ADAMTS17: variants seen among roughly 807,000 people sequenced by gnomAD.
ADAMTS17 encodes the protein ADAM metallopeptidase with thrombospondin type 1 motif 17, also known as A disintegrin and metalloproteinase with thrombospondin motifs 17.
Under a neutral mutation model 141.5 loss-of-function variants are expected in ADAMTS17, and 113 were observed. That is an observed-to-expected ratio of 0.80 (90% confidence interval 0.69 to 0.93). ADAMTS17 has a LOEUF of 0.93. ADAMTS17 is among the 40% of genes least tolerant of loss of function. The pLI is 0.00. For synonymous variants in ADAMTS17, 768 were observed against 630.6 expected, an observed-to-expected ratio of 1.22 and a Z score of -3.27; for missense variants, 1,659 against 1,517.9, an observed-to-expected ratio of 1.09 and a Z score of -1.54.
intron 3 of ADAMTS17, among the ~76,000 whole-genome samples, chr15:100,292,533 C>T (rs1293941292): frequency 6.6e-6 from 1 of 151,852 alleles, no homozygotes; most frequent in African/African-American, 2.4e-5. Context: ...AGACACTCAC[C>T]CCGTGAGAAA....
intron 7 of ADAMTS17, among the ~76,000 whole-genome samples, chr15:100,248,481 G>A (rs1374415188): frequency 1.3e-5 from 2 of 152,158 alleles, no homozygotes; most frequent in Non-Finnish European, 1.5e-5. Context: ...CCTCTGCCAA[G>A]TCCCCATCTT....
intron 7 of ADAMTS17, among the ~76,000 whole-genome samples, chr15:100,238,517 G>A (rs1400503713): frequency 3.3e-5 from 5 of 152,192 alleles, no homozygotes; most frequent in African/African-American, 7.2e-5. Flanking sequence ...ACAAAGATCC[G>A]TCCTGAACAC....
At chr15:100,323,317 G>A (rs945670339) in intron 3 of ADAMTS17, among the ~76,000 whole-genome samples, 9 of 152,058 alleles carry the variant, frequency 5.9e-5, no homozygotes, top group African/African-American at 1.7e-4. Flanking sequence ...AATAACCCAA[G>A]GTCACTCAAG....
chr15:100,149,621 C>G (rs1262582029), intron 10 of ADAMTS17, among the ~76,000 whole-genome samples: 1 of 152,130 alleles, frequency 6.6e-6, no homozygotes, highest in Non-Finnish European at 1.5e-5. Context: ...CCCTTTCTCT[C>G]TTTGAAATAG....
chr15:100,221,513 G>C (rs1230871589), intron 7 of ADAMTS17, among the ~76,000 whole-genome samples: 1 of 152,114 alleles, frequency 6.6e-6, no homozygotes, highest in Non-Finnish European at 1.5e-5. Context: ...TTGTTCTTTT[G>C]GAGTAACAAA....
chr15:100,332,066 C>A lies in ADAMTS17; in HGVS notation c.451-1012G>T, dbSNP rs77053688. Among the ~76,000 whole-genome samples, 60 of 152,260 alleles carry A rather than the reference C, an allele frequency of 3.9e-4. 2 individuals are homozygous for A. The East Asian group carries it at 9.7e-3, about 25-fold the overall frequency. On this transcript the variant is annotated intron_variant, in intron 2 of 21. Transcript: ENST00000268070. ...ACTAATAAGATCGCCTACAATCTTGCGTCCCCAAGATACAGGGTGAGGCCA... is the reference window on the plus strand; with the variant it reads ...ACTAATAAGATCGCCTACAATCTTGAGTCCCCAAGATACAGGGTGAGGCCA...
At chr15:100,014,698 G>C (rs1159025739) in intron 18 of ADAMTS17, among the ~76,000 whole-genome samples, 1 of 152,106 alleles carries the variant, frequency 6.6e-6, no homozygotes. Flanking sequence ...TTGATTTCCA[G>C]TTTTATTCTA....
chr15:100,306,657 A>C (rs1283146021), intron 3 of ADAMTS17: 1 of 444,858 alleles, frequency 2.2e-6, no homozygotes, highest in East Asian at 7.0e-5. Flanking sequence ...GGCAATTTCA[A>C]ACGACTCAGC....
chr15:100,004,607 T>C (rs1413562679), intron 18 of ADAMTS17, among the ~76,000 whole-genome samples: 1 of 149,352 alleles, frequency 6.7e-6, no homozygotes, highest in African/African-American at 2.5e-5. Flanking sequence ...AAAAGCATGA[T>C]ACTGTAATTC....
chr15:100,154,521 G>A (rs993056335), intron 9 of ADAMTS17, among the ~76,000 whole-genome samples: 4 of 152,098 alleles, frequency 2.6e-5, no homozygotes, highest in East Asian at 1.9e-4. Context: ...GAATTCACAC[G>A]GCTAAGTAGC....
rs2045743572 is a variant in ADAMTS17, at chr15:100,321,879, T to A, written c.616+9010A>T. On this transcript the variant is annotated intron_variant, in intron 3 of 21. Coordinates refer to ENST00000268070, the MANE Select transcript of ADAMTS17 (RefSeq NM_139057.4). ...AACACAACAATTAGAAAATATATAA[T>A]CTGTTTGCAGTAATTTGAGATTATG... Among the ~76,000 whole-genome samples, 2 of 152,184 alleles carry A rather than the reference T, an allele frequency of 1.3e-5. 1 individual carries two copies. The highest frequency in any genetic ancestry group is 4.1e-4 in the South Asian group (2 of 4,834).
chr15:100,294,824 A>T (rs1173751954), intron 3 of ADAMTS17, among the ~76,000 whole-genome samples: 1 of 152,224 alleles, frequency 6.6e-6, no homozygotes, highest in Non-Finnish European at 1.5e-5. Flanking sequence ...CCGTCCGTGA[A>T]AACCACCTAT....
intron 8 of ADAMTS17, among the ~76,000 whole-genome samples, chr15:100,172,262 G>A (rs1322802581): frequency 2.0e-5 from 3 of 151,446 alleles, no homozygotes; most frequent in African/African-American, 7.3e-5. Flanking sequence ...TCATTGGGAT[G>A]AGGCATGACC....
In ADAMTS17 at chr15:100,334,143, G is replaced by A. The variant is rs564904720; in HGVS notation, c.451-3089C>T. 9.2e-5 allele frequency among the ~76,000 whole-genome samples: 14 copies of A among 152,284 alleles called. No homozygotes were observed. In the South Asian group the frequency reaches 2.1e-3, roughly 23 times the overall value. ...GAGTTGTAAATCAGGCATTGTTCAC[G>A]CCACACCACCTCGTGCCTGAAGCAG... On this transcript the variant is annotated intron_variant, in intron 2 of 21. Coordinates refer to ENST00000268070, the MANE Select transcript of ADAMTS17 (RefSeq NM_139057.4).
At chr15:100,032,445 A>G (rs549299239) in intron 18 of ADAMTS17, among the ~76,000 whole-genome samples, 4 of 152,304 alleles carry the variant, frequency 2.6e-5, no homozygotes, top group Admixed American at 2.0e-4. Context: ...CAGAAAACCA[A>G]CTAACTACAG....
At chr15:100,146,266 G>A (rs2038898817) in intron 10 of ADAMTS17, among the ~76,000 whole-genome samples, 1 of 152,228 alleles carries the variant, frequency 6.6e-6, no homozygotes, top group Non-Finnish European at 1.5e-5. Context: ...GACCCCAAAT[G>A]GAGGGACCGG....
intron 14 of ADAMTS17, among the ~76,000 whole-genome samples, chr15:100,102,316 G>A (rs1307534826): frequency 1.3e-5 from 2 of 150,282 alleles, no homozygotes; most frequent in African/African-American, 2.4e-5. Flanking sequence ...GACCGAAGGG[G>A]ATCTACATTT....
At chr15:100,085,606 A>G (rs1567148197) in intron 15 of ADAMTS17, among the ~76,000 whole-genome samples, 1 of 152,082 alleles carries the variant, frequency 6.6e-6, no homozygotes, top group Non-Finnish European at 1.5e-5. Flanking sequence ...AGGTCGGGTT[A>G]CCCACAAAGG....
chr15:100,217,398 G>A (rs2042001748), intron 7 of ADAMTS17, among the ~76,000 whole-genome samples: 2 of 152,178 alleles, frequency 1.3e-5, no homozygotes, highest in Admixed American at 1.3e-4. Flanking sequence ...AGGAGTTCAA[G>A]ACCAGCCTGG....
Sources: allele counts gnomAD v4.1 joint callset (sites outside exome capture counted in the v4.1 genomes callset), GRCh38; gene constraint gnomAD v4.1.1; transcripts MANE v1.5; gene names NCBI Gene and HGNC (gene_info 2026-07-23, HGNC 2026-07-21).